The following PI4KB variants were observed in gnomAD, a reference collection of about 807,000 sequenced individuals.
The protein encoded by PI4KB is phosphatidylinositol 4-kinase beta.
Under a neutral mutation model 81.4 loss-of-function variants are expected in PI4KB, and 23 were observed. The ratio of observed to expected loss-of-function variants is 0.28; its 90% CI spans 0.20 to 0.40. The LOEUF (loss-of-function observed/expected upper bound fraction) is 0.40. Among genes scored for constraint, PI4KB ranks in the 10% least tolerant of loss-of-function variants. The pLI, the probability that PI4KB is intolerant of heterozygous loss-of-function variation, is 1.00. For missense variants in PI4KB, 651 were observed against 1,036.6 expected (o/e 0.63, Z 5.11); for synonymous variants, 381 against 406.8 (o/e 0.94, Z 0.76).
chr1:151,327,309 G>C lies in PI4KB; in HGVS notation c.-67C>G, dbSNP rs1329924334. On this transcript the variant is annotated 5_prime_UTR_variant, in exon 1 of 12. Transcript: ENST00000368873. The stretch of plus-strand genomic sequence containing the variant: ...CCGCGGAGGGGGTGCGGGCAGTCGC[G>C]GTTGGACTGCCGACACTGCCGCCTC... The C allele has an allele frequency of 1.0e-5, 4 of 395,836 alleles. No homozygotes were observed. In the East Asian group the frequency reaches 1.4e-4, roughly 14 times the overall value. 24.5% of individuals were successfully genotyped at this position (395,836 alleles called of 1,614,324 possible).
In PI4KB at chr1:151,324,826, A is replaced by C. The variant is rs1571234610; in HGVS notation, c.-29+2445T>G. The C allele has an allele frequency of 1.2e-5, 12 of 985,218 alleles. No individual in the cohort carries two copies. In the South Asian group the frequency reaches 5.6e-4, roughly 46 times the overall value. 61.0% of individuals were successfully genotyped at this position (985,218 alleles called of 1,614,324 possible). A position where few individuals can be genotyped will look rare whatever the true frequency, so the allele number is the denominator to read the frequency against. On this transcript the variant is annotated intron_variant, in intron 1 of 11. Transcript: ENST00000368873. ...CCTCTTGTCCCATGCCAATTATTGAAGGGTTCCTCCCAAACCTCTTCCCCA... is the reference window on the plus strand; with the variant it reads ...CCTCTTGTCCCATGCCAATTATTGACGGGTTCCTCCCAAACCTCTTCCCCA...
chr1:151,318,483 C>G (rs1407833769), intron 1 of PI4KB, among the ~76,000 whole-genome samples: 1 of 151,002 alleles, frequency 6.6e-6, no homozygotes, highest in Non-Finnish European at 1.5e-5. Flanking sequence ...GAGGCTGAGG[C>G]AGGCGGATTA....
intron 2 of PI4KB, among the ~76,000 whole-genome samples, chr1:151,311,125 G>C (rs777353289): frequency 6.6e-6 from 1 of 152,162 alleles, no homozygotes; most frequent in Non-Finnish European, 1.5e-5. Flanking sequence ...AAAAACAGGG[G>C]AAAGAGATGG....
chr1:151,324,166 T>C (rs572076549), intron 1 of PI4KB, among the ~76,000 whole-genome samples: 23 of 152,124 alleles, frequency 1.5e-4, no homozygotes, highest in Middle Eastern at 3.4e-3. Flanking sequence ...GTCTCGAACA[T>C]GCCAGGCTGG....
intron 9 of PI4KB, among the ~76,000 whole-genome samples, chr1:151,296,298 C>T (rs1279127560): frequency 1.7e-4 from 26 of 152,226 alleles, no homozygotes; most frequent in Non-Finnish European, 1.5e-5. Flanking sequence ...AATGCAGAGC[C>T]TGGGTCCATT....
intron 8 of PI4KB, chr1:151,301,052 A>C (rs929640197): frequency 2.6e-5 from 4 of 152,268 alleles, no homozygotes; most frequent in Non-Finnish European, 5.9e-5. Flanking sequence ...AAAAGGGCCA[A>C]AAGAGGCCGC....
chr1:151,292,720 G>A lies in PI4KB; in HGVS notation c.*132C>T. 3.7e-6 allele frequency: 3 copies of A among 801,550 alleles called. No homozygotes were observed. Among genetic ancestry groups the A allele is most frequent in the East Asian group, 2.7e-5 (1 of 37,340 alleles). The allele number at this position is 801,550 out of a possible 1,614,324, so 49.7% of individuals were successfully genotyped here. ...TCTCGCAGTTACCACATGATCCTTCGTGTTTCTTGCCTTCCATTTCCCTTG... is the reference window on the plus strand; with the variant it reads ...TCTCGCAGTTACCACATGATCCTTCATGTTTCTTGCCTTCCATTTCCCTTG... On this transcript the variant is annotated 3_prime_UTR_variant, in exon 12 of 12. Coordinates refer to ENST00000368873, the MANE Select transcript of PI4KB (RefSeq NM_001369623.2).
chr1:151,326,352 T>TTA (rs1649608463), intron 1 of PI4KB: 11 of 607,958 alleles, frequency 1.8e-5, no homozygotes, highest in Admixed American at 9.6e-5. Context: ...ATTTTTCTTC[T>TTA]TAGTTCAAGG....
intron 1 of PI4KB, among the ~76,000 whole-genome samples, chr1:151,323,767 AAG>A (rs1334506287): frequency 2.6e-5 from 4 of 152,028 alleles, no homozygotes; most frequent in Non-Finnish European, 5.9e-5. Flanking sequence ...CAAAAAAACA[AAG>A]AAATAGAGGA....
chr1:151,322,532 A>G (rs749943617), intron 1 of PI4KB, among the ~76,000 whole-genome samples: 1 of 152,024 alleles, frequency 6.6e-6, no homozygotes, highest in East Asian at 1.9e-4. Flanking sequence ...GTTAATCACC[A>G]TTCTCTTTTT....
intron 5 of PI4KB, among the ~76,000 whole-genome samples, chr1:151,305,457 A>G (rs889322983): frequency 2.0e-5 from 3 of 152,144 alleles, no homozygotes; most frequent in African/African-American, 7.2e-5. Context: ...TTCAATTCCT[A>G]TAATGGCCCA....
chr1:151,295,861 C>T (rs1356109499), intron 9 of PI4KB, among the ~76,000 whole-genome samples: 1 of 152,188 alleles, frequency 6.6e-6, no homozygotes, highest in Admixed American at 6.5e-5. Context: ...TTACTCAATC[C>T]CAGGACTGAG....
At chr1:151,324,624 A>T in intron 1 of PI4KB, 1 of 267,250 alleles carries the variant, frequency 3.7e-6, no homozygotes, top group Non-Finnish European at 5.8e-6. Flanking sequence ...ATATTGATTC[A>T]GGCTGAGAAC....
At chr1:151,326,409 C>A (rs1649616477) in intron 1 of PI4KB, 3 of 505,136 alleles carry the variant, frequency 5.9e-6, no homozygotes, top group Non-Finnish European at 6.9e-6. Flanking sequence ...AAGAGTGTAA[C>A]AGAGAACACA....
Position 151,292,829 on chromosome 1 carries a change from C to T in PI4KB, c.*23G>A. ...TAGGGAGGGTGCCCTGGACCCCCCA[C>T]CACTCCTGGGCTGAGGAGCGTGTCA... On this transcript the variant is annotated 3_prime_UTR_variant, in exon 12 of 12. Transcript: ENST00000368873. The T allele has an allele frequency of 6.2e-7, 1 of 1,609,412 alleles. No homozygotes were observed. Among genetic ancestry groups the T allele is most frequent in the Non-Finnish European group, 8.5e-7 (1 of 1,176,974 alleles).
chr1:151,319,223 A>G, intron 1 of PI4KB, among the ~76,000 whole-genome samples: 1 of 152,076 alleles, frequency 6.6e-6, no homozygotes, highest in Admixed American at 6.6e-5. Flanking sequence ...CTGTAATCCC[A>G]GTGCACTGGG....
intron 2 of PI4KB, 26 bp from the exon 3 acceptor site, chr1:151,310,281 GAGAA>G: frequency 9.4e-7 from 1 of 1,064,808 alleles, no homozygotes; most frequent in Non-Finnish European, 1.4e-6. Context: ...AGGGCAAAGG[GAGAA>G]GGAGGGGGTG....
chr1:151,301,822 G>A (rs1288656875), intron 8 of PI4KB, 22 bp downstream of exon 8: 2 of 1,611,710 alleles, frequency 1.2e-6, no homozygotes, highest in African/African-American at 1.3e-5. Context: ...ACTGTGCCTG[G>A]CCTCTCCTTC....
chr1:151,313,861 T>C (rs1244935174), intron 2 of PI4KB, among the ~76,000 whole-genome samples: 1 of 152,234 alleles, frequency 6.6e-6, no homozygotes, highest in Non-Finnish European at 1.5e-5. Context: ...TTCAGCTGAA[T>C]GATTATGAGC....
Sources: allele counts gnomAD v4.1 joint callset (sites outside exome capture counted in the v4.1 genomes callset), GRCh38; gene constraint gnomAD v4.1.1; transcripts MANE v1.5; gene names NCBI Gene and HGNC (gene_info 2026-07-23, HGNC 2026-07-21).